The following CTNND2 variants were observed in gnomAD, a reference collection of about 807,000 sequenced individuals.
CTNND2 encodes catenin delta 2.
In CTNND2, 22 loss-of-function variants were observed where a neutral mutation model predicts 144.4. The ratio of observed to expected loss-of-function variants is 0.15; its 90% confidence interval spans 0.11 to 0.22. The LOEUF (loss-of-function observed/expected upper bound fraction) is 0.22, where lower values mean the gene tolerates loss of function less well. Ranked by LOEUF, CTNND2 falls within the 10% of genes least tolerant of loss-of-function variation. The pLI is 1.00. For missense variants in CTNND2, 1,353 were observed against 1,618.8 expected (o/e 0.84, Z 2.82); for synonymous variants, 751 against 695.6 (o/e 1.08, Z -1.25).
At chr5:11,879,131 C>A (rs74851716) in intron 1 of CTNND2, among the ~76,000 whole-genome samples, 1 of 151,776 alleles carries the variant, frequency 6.6e-6, no homozygotes, top group Non-Finnish European at 1.5e-5. Flanking sequence ...TGCAGCACCA[C>A]GGAGCCCCAA....
chr5:11,737,473 C>G (rs1265733607), intron 1 of CTNND2, among the ~76,000 whole-genome samples: 2 of 152,180 alleles, frequency 1.3e-5, no homozygotes, highest in South Asian at 2.1e-4. Context: ...GAAAAAGAGA[C>G]AGCAGTGCGG....
chr5:11,344,208 C>G (rs1233699580), intron 9 of CTNND2, among the ~76,000 whole-genome samples: 1 of 151,914 alleles, frequency 6.6e-6, no homozygotes, highest in East Asian at 1.9e-4. Flanking sequence ...ATCGAGACCA[C>G]GGTGAAACCC....
intron 2 of CTNND2, among the ~76,000 whole-genome samples, chr5:11,610,078 T>C (rs1780241079): frequency 6.6e-6 from 1 of 152,218 alleles, no homozygotes; most frequent in Non-Finnish European, 1.5e-5. Context: ...GTTTTATGAC[T>C]TGTTCCAGAC....
chr5:11,120,552 G>A (rs1331223882), intron 12 of CTNND2, among the ~76,000 whole-genome samples: 1 of 56,920 alleles, frequency 1.8e-5, no homozygotes, highest in Non-Finnish European at 3.5e-5. Context: ...TTATCATACT[G>A]TCCGCAGGGG....
At chr5:11,738,097 A>T (rs1439577359) in intron 1 of CTNND2, among the ~76,000 whole-genome samples, 1 of 152,170 alleles carries the variant, frequency 6.6e-6, no homozygotes, top group Non-Finnish European at 1.5e-5. Context: ...AGAAAGGTAA[A>T]ACATCTCTTG....
At chr5:11,494,191 T>C (rs1769719653) in intron 3 of CTNND2, among the ~76,000 whole-genome samples, 1 of 152,180 alleles carries the variant, frequency 6.6e-6, no homozygotes, top group Non-Finnish European at 1.5e-5. Flanking sequence ...TAGTGAATAA[T>C]TATTACAATC....
At chr5:11,017,583 CAT>C (rs767090186) in intron 18 of CTNND2, among the ~76,000 whole-genome samples, 7 of 135,660 alleles carry the variant, frequency 5.2e-5, no homozygotes, top group East Asian at 2.0e-4. Context: ...TATATCTTTC[CAT>C]ATATATATAT....
intron 3 of CTNND2, among the ~76,000 whole-genome samples, chr5:11,416,207 C>T (rs7707330): frequency 0.043 from 6,603 of 152,154 alleles, 337 homozygotes; most frequent in East Asian, 0.11. Context: ...TAGGACTACA[C>T]GTCATGCTAT....
At chr5:11,196,713 T>A (rs1174672733) in intron 11 of CTNND2, among the ~76,000 whole-genome samples, 2 of 152,198 alleles carry the variant, frequency 1.3e-5, no homozygotes, top group African/African-American at 2.4e-5. Context: ...AATGTGGACA[T>A]GTTTGTCAGG....
chr5:11,899,386 G>A (rs12109743), intron 1 of CTNND2, among the ~76,000 whole-genome samples: 149,619 of 152,306 alleles, frequency 0.98, 73,547 homozygotes, highest in East Asian at 1. Flanking sequence ...TTTCTACTGG[G>A]TTAGAATCTT....
chr5:11,359,189 T>G (rs1756195930), intron 8 of CTNND2, among the ~76,000 whole-genome samples: 1 of 152,236 alleles, frequency 6.6e-6, no homozygotes. Context: ...ACTCCTTATT[T>G]TATAAGCTCT....
At chr5:11,896,939 G>T (rs528275453) in intron 1 of CTNND2, among the ~76,000 whole-genome samples, 1 of 152,116 alleles carries the variant, frequency 6.6e-6, no homozygotes, top group Non-Finnish European at 1.5e-5. Flanking sequence ...TTTTCAACCT[G>T]AGTTAAGCAA....
intron 16 of CTNND2, among the ~76,000 whole-genome samples, chr5:11,040,144 G>T (rs1049124064): frequency 1.3e-5 from 2 of 152,142 alleles, no homozygotes; most frequent in African/African-American, 2.4e-5. Context: ...TACTCAGGAG[G>T]CTGAGGCAGG....
At chr5:11,659,835 T>C (rs1783099960) in intron 2 of CTNND2, among the ~76,000 whole-genome samples, 1 of 152,140 alleles carries the variant, frequency 6.6e-6, no homozygotes, top group Admixed American at 6.6e-5. Flanking sequence ...ATGTCATGAG[T>C]GTACATCAGC....
At chr5:11,147,766 A>C (rs951950289) in intron 12 of CTNND2, among the ~76,000 whole-genome samples, 1 of 152,114 alleles carries the variant, frequency 6.6e-6, no homozygotes, top group African/African-American at 2.4e-5. Flanking sequence ...GAACATACAG[A>C]AAAAAAAGGA....
At chr5:11,372,314 T>C (rs1757538978) in intron 7 of CTNND2, among the ~76,000 whole-genome samples, 1 of 152,240 alleles carries the variant, frequency 6.6e-6, no homozygotes, top group South Asian at 2.1e-4. Context: ...ACCACAAGCA[T>C]CTATTCCCAA....
chr5:11,179,153 G>A (rs115697790), intron 11 of CTNND2, among the ~76,000 whole-genome samples: 2,524 of 152,102 alleles, frequency 0.017, 48 homozygotes, highest in Admixed American at 0.05. Flanking sequence ...TTAGTCCAGC[G>A]TGGTGGCAGG....
At chr5:11,319,931 CG>C (rs1751870670) in intron 9 of CTNND2, among the ~76,000 whole-genome samples, 1 of 152,194 alleles carries the variant, frequency 6.6e-6, no homozygotes, top group Non-Finnish European at 1.5e-5. Flanking sequence ...AAATGCATAA[CG>C]TGTTTCCTGT....
chr5:11,338,210 G>C (rs1753907979), intron 9 of CTNND2, among the ~76,000 whole-genome samples: 1 of 152,182 alleles, frequency 6.6e-6, no homozygotes, highest in African/African-American at 2.4e-5. Flanking sequence ...AGTCGCTTTA[G>C]CTGCTATATG....
Sources: allele counts gnomAD v4.1 joint callset (sites outside exome capture counted in the v4.1 genomes callset), GRCh38; gene constraint gnomAD v4.1.1; transcripts MANE v1.5; gene names NCBI Gene and HGNC (gene_info 2026-07-23, HGNC 2026-07-21).